RIMS2: variants seen among roughly 807,000 people sequenced by gnomAD.
RIMS2 encodes regulating synaptic membrane exocytosis 2.
Under a neutral mutation model 174.4 loss-of-function variants are expected in RIMS2, and 59 were observed. That is an observed-to-expected ratio of 0.34 (90% CI 0.27 to 0.42). The LOEUF (loss-of-function observed/expected upper bound fraction) is 0.42, where lower values mean the gene tolerates loss of function less well. Ranked by LOEUF, RIMS2 falls within the 10% of genes least tolerant of loss-of-function variation. The pLI, the probability that RIMS2 is intolerant of heterozygous loss-of-function variation, is 1.00. For synonymous variants in RIMS2, 606 were observed against 572.5 expected (o/e 1.06, Z -0.84); for missense variants, 1,620 against 1,666.3 (o/e 0.97, Z 0.48).
intron 19 of RIMS2, among the ~76,000 whole-genome samples, chr8:104,162,494 G>T (rs539868500): frequency 2.0e-5 from 3 of 152,258 alleles, no homozygotes; most frequent in Non-Finnish European, 4.4e-5. Context: ...TCTAAAATCA[G>T]AAAACTAAAA....
intron 19 of RIMS2, chr8:104,094,751 C>T (rs1051708050): frequency 3.1e-6 from 2 of 645,058 alleles, no homozygotes; most frequent in Admixed American, 2.4e-5. Flanking sequence ...TATTTGTAGG[C>T]ATTTCCCATT....
chr8:103,824,223 G>C (rs146266388), intron 3 of RIMS2, among the ~76,000 whole-genome samples: 2 of 152,050 alleles, frequency 1.3e-5, no homozygotes, highest in African/African-American at 4.8e-5. Flanking sequence ...ATGACTGACA[G>C]GTAAATGTTA....
chr8:103,799,331 C>G (rs903118703), intron 3 of RIMS2, among the ~76,000 whole-genome samples: 1 of 152,044 alleles, frequency 6.6e-6, no homozygotes, highest in African/African-American at 2.4e-5. Flanking sequence ...AATAGATACT[C>G]CCTTGTGTGA....
chr8:103,833,846 C>A (rs1342817077), intron 3 of RIMS2, among the ~76,000 whole-genome samples: 1 of 152,078 alleles, frequency 6.6e-6, no homozygotes, highest in East Asian at 1.9e-4. Context: ...ATCTCACAGT[C>A]TTCATTGATT....
chr8:103,832,014 T>A (rs896332377), intron 3 of RIMS2, among the ~76,000 whole-genome samples: 12 of 152,176 alleles, frequency 7.9e-5, no homozygotes, highest in African/African-American at 2.9e-4. Context: ...CAGCACCCTA[T>A]GTCTTTTCCT....
intron 19 of RIMS2, among the ~76,000 whole-genome samples, chr8:104,065,669 C>A (rs910349508): frequency 5.3e-5 from 8 of 152,148 alleles, no homozygotes; most frequent in African/African-American, 1.9e-4. Context: ...AAGGGTTATT[C>A]TTCTAGGAGG....
chr8:103,667,465 C>A (rs1188442946), intron 1 of RIMS2, among the ~76,000 whole-genome samples: 1 of 152,180 alleles, frequency 6.6e-6, no homozygotes, highest in Non-Finnish European at 1.5e-5. Context: ...TTCTCTTGAA[C>A]TGATGACGTA....
intron 17 of RIMS2, among the ~76,000 whole-genome samples, chr8:104,008,843 T>C (rs1456659245): frequency 6.6e-6 from 1 of 152,054 alleles, no homozygotes; most frequent in Non-Finnish European, 1.5e-5. Flanking sequence ...ACATAGAGTC[T>C]TTACATCTAA....
intron 1 of RIMS2, among the ~76,000 whole-genome samples, chr8:103,641,627 A>T (rs1380715687): frequency 5.3e-5 from 8 of 151,904 alleles, no homozygotes; most frequent in Non-Finnish European, 8.8e-5. Context: ...GCCTAATGTG[A>T]GGTGTTTAGG....
chr8:103,745,007 C>T (rs1346959184), intron 2 of RIMS2, among the ~76,000 whole-genome samples: 1 of 152,134 alleles, frequency 6.6e-6, no homozygotes, highest in Admixed American at 6.6e-5. Flanking sequence ...AGAAGAGCTA[C>T]ATTAAAACAT....
intron 2 of RIMS2, among the ~76,000 whole-genome samples, chr8:103,765,649 G>T (rs1163255383): frequency 6.6e-6 from 1 of 151,742 alleles, no homozygotes; most frequent in Non-Finnish European, 1.5e-5. Flanking sequence ...AAAAATAAAA[G>T]CCCCCTTAAG....
At position 103,757,008 on chromosome 8, in the gene RIMS2, TGTGAGAGAGA is replaced by T. The variant is rs1195166268; in HGVS notation, c.388-9217_388-9208del. On this transcript the variant is annotated intron_variant, in intron 2 of 23. Coordinates refer to ENST00000504942, the Ensembl canonical transcript of RIMS2. The stretch of plus-strand genomic sequence containing the variant: ...GTGTGTGTGTGTGTGTGTGTGTGTG[TGTGAGAGAGA>T]GAGAGAGAGAGAGAGAGAGATACAG... 9.6e-3 allele frequency among the ~76,000 whole-genome samples: 1,181 copies of T among 123,204 alleles called. 21 individuals are homozygous for T. The highest frequency in any genetic ancestry group is 0.036 in the African/African-American group (1,136 of 31,424). The allele number at this position is 123,204 out of a possible 152,430, so 80.8% of individuals were successfully genotyped here.
At chr8:103,882,985 C>A (rs1281314358) in intron 3 of RIMS2, among the ~76,000 whole-genome samples, 1 of 151,472 alleles carries the variant, frequency 6.6e-6, no homozygotes, top group Non-Finnish European at 1.5e-5. Flanking sequence ...TATGGGAAAT[C>A]TTTAATGCAT....
intron 19 of RIMS2, among the ~76,000 whole-genome samples, chr8:104,195,627 G>A (rs552437024): frequency 3.3e-5 from 5 of 149,778 alleles, no homozygotes; most frequent in South Asian, 2.2e-4. Context: ...CAATTCTCCC[G>A]CCTCAGCCTT....
At chr8:103,648,813 T>G (rs999718008) in intron 1 of RIMS2, among the ~76,000 whole-genome samples, 1 of 152,224 alleles carries the variant, frequency 6.6e-6, no homozygotes, top group African/African-American at 2.4e-5. Flanking sequence ...TCCATCCTTT[T>G]ATTTTGGGCC....
chr8:104,176,126 T>C (rs2098891272), intron 19 of RIMS2, among the ~76,000 whole-genome samples: 1 of 152,164 alleles, frequency 6.6e-6, no homozygotes, highest in Non-Finnish European at 1.5e-5. Context: ...GTTTTATATC[T>C]GTAATTCTAA....
At chr8:104,031,908 G>A (rs938020928) in intron 19 of RIMS2, among the ~76,000 whole-genome samples, 2 of 151,236 alleles carry the variant, frequency 1.3e-5, no homozygotes, top group African/African-American at 4.9e-5. Flanking sequence ...ATTCCATTTA[G>A]ATTAGTGTGG....
intron 3 of RIMS2, among the ~76,000 whole-genome samples, chr8:103,796,457 G>A (rs2098550497): frequency 6.6e-6 from 1 of 152,028 alleles, no homozygotes; most frequent in South Asian, 2.1e-4. Flanking sequence ...TGGAACATAG[G>A]TTTTTCTAAC....
intron 3 of RIMS2, among the ~76,000 whole-genome samples, chr8:103,848,137 T>A (rs1258391156): frequency 6.6e-6 from 1 of 152,034 alleles, no homozygotes; most frequent in Non-Finnish European, 1.5e-5. Flanking sequence ...CCATATGTGT[T>A]ATGACCTTAG....
Sources: allele counts gnomAD v4.1 joint callset (sites outside exome capture counted in the v4.1 genomes callset), GRCh38; gene constraint gnomAD v4.1.1; transcripts MANE v1.5; gene names NCBI Gene and HGNC (gene_info 2026-07-23, HGNC 2026-07-21).